PHACTR3: variants seen among roughly 807,000 people sequenced by gnomAD.
The protein encoded by PHACTR3 is phosphatase and actin regulator 3.
In PHACTR3, 16 loss-of-function variants were observed where a neutral mutation model predicts 66.8. The observed-to-expected ratio is 0.24, with a 90% CI of 0.16 to 0.36. PHACTR3 has a LOEUF of 0.36. PHACTR3 is among the 10% of genes least tolerant of loss of function. The pLI, the probability that PHACTR3 is intolerant of heterozygous loss-of-function variation, is 1.00. For missense variants in PHACTR3, 647 were observed against 719.9 expected (o/e 0.90, Z 1.16); for synonymous variants, 323 against 292.1 (o/e 1.11, Z -1.08).
intron 1 of PHACTR3, among the ~76,000 whole-genome samples, chr20:59,581,417 G>T (rs530345630): frequency 6.6e-6 from 1 of 152,326 alleles, no homozygotes; most frequent in Non-Finnish European, 1.5e-5. Context: ...CCTCAGGTCT[G>T]CTTCTCCTTC....
chr20:59,686,805 T>TGTGATGATGATGGTGATGGTGGTG (rs1568711844), intron 1 of PHACTR3, among the ~76,000 whole-genome samples: 1 of 54,660 alleles, frequency 1.8e-5, no homozygotes. Flanking sequence ...TGGTGATGAT[T>TGTGATGATGATGGTGATGGTGGTG]GTGATGATGA....
At chr20:59,835,307 T>C (rs2042495551) in intron 8 of PHACTR3, among the ~76,000 whole-genome samples, 1 of 151,852 alleles carries the variant, frequency 6.6e-6, no homozygotes, top group Non-Finnish European at 1.5e-5. Flanking sequence ...TCACTGAACA[T>C]CGAGATATGA....
In PHACTR3 at chr20:59,737,832, GGAGT is replaced by G. The variant is rs542487884; in HGVS notation, c.119-5252_119-5249del. 3.3e-3 allele frequency among the ~76,000 whole-genome samples: 501 copies of G among 152,198 alleles called. 1 individual carries two copies. Among genetic ancestry groups the G allele is most frequent in the African/African-American group, 9.7e-3 (403 of 41,526 alleles). ...TGTCAGTACGTATTTGTTGAAAGGT[GGAGT>G]GAGTGAGTGAGTGAGTGAGTGAATT... On this transcript the variant is annotated intron_variant, in intron 1 of 12. Coordinates refer to ENST00000371015, the MANE Select transcript of PHACTR3 (RefSeq NM_080672.5).
chr20:59,681,100 C>A (rs2036627326), intron 1 of PHACTR3, among the ~76,000 whole-genome samples: 1 of 152,250 alleles, frequency 6.6e-6, no homozygotes, highest in Middle Eastern at 3.2e-3. Flanking sequence ...AGAACACACT[C>A]ACACCCATTT....
intron 8 of PHACTR3, among the ~76,000 whole-genome samples, chr20:59,817,702 CT>C (rs1414132828): frequency 6.6e-6 from 1 of 152,240 alleles, no homozygotes; most frequent in East Asian, 1.9e-4. Context: ...GCCATCACCC[CT>C]GGCCACATGT....
At chr20:59,653,687 ATGT>A (rs879727963) in intron 1 of PHACTR3, among the ~76,000 whole-genome samples, 3 of 151,942 alleles carry the variant, frequency 2.0e-5, no homozygotes, top group South Asian at 2.1e-4. Context: ...CAATATGTTA[ATGT>A]TGTTATGAAT....
chr20:59,642,480 A>G (rs1369437719), intron 1 of PHACTR3, among the ~76,000 whole-genome samples: 1 of 142,820 alleles, frequency 7.0e-6, no homozygotes, highest in East Asian at 2.1e-4. Flanking sequence ...CTTTTCCTAT[A>G]GAAACATTTT....
At chr20:59,635,212 C>A (rs12480612) in intron 1 of PHACTR3, among the ~76,000 whole-genome samples, 1 of 90,014 alleles carries the variant, frequency 1.1e-5, no homozygotes. Flanking sequence ...TTCTTTCCTT[C>A]CTTCCTTCCT....
chr20:59,741,471 T>C (rs2039161153), intron 1 of PHACTR3, among the ~76,000 whole-genome samples: 1 of 152,180 alleles, frequency 6.6e-6, no homozygotes, highest in South Asian at 2.1e-4. Context: ...GAAACGTCCC[T>C]TCCCTGTCCC....
chr20:59,717,133 C>T (rs2038122800), intron 1 of PHACTR3, among the ~76,000 whole-genome samples: 1 of 152,144 alleles, frequency 6.6e-6, no homozygotes, highest in African/African-American at 2.4e-5. Flanking sequence ...CATTTTGTTT[C>T]CAACACAAAC....
chr20:59,831,435 C>T (rs1032320146), intron 8 of PHACTR3, among the ~76,000 whole-genome samples: 1 of 152,128 alleles, frequency 6.6e-6, no homozygotes, highest in Non-Finnish European at 1.5e-5. Context: ...CCCACACCCA[C>T]GCGATGCTTT....
At chr20:59,588,621 C>T (rs1339969653) in intron 1 of PHACTR3, among the ~76,000 whole-genome samples, 4 of 152,334 alleles carry the variant, frequency 2.6e-5, no homozygotes, top group South Asian at 2.1e-4. Flanking sequence ...CTCAGCCTCC[C>T]GCCATCTTCC....
rs368183524 is a variant in PHACTR3 at position 59,764,571 on chromosome 20, G to A, written c.542-2615G>A. Among the ~76,000 whole-genome samples, 21 of 152,174 alleles carry A rather than the reference G, an allele frequency of 1.4e-4. No homozygotes were observed. In the South Asian group the frequency reaches 2.1e-3, roughly 15 times the overall value. On this transcript the variant is annotated intron_variant, in intron 4 of 12. Coordinates refer to ENST00000371015, the MANE Select transcript of PHACTR3 (RefSeq NM_080672.5). ...AGCAAGGTGGAGGCCAAAGTCACTC[G>A]TCTGTAAATAGGTCAAACGTATGGA...
rs1344418893 is a variant in PHACTR3, at chr20:59,605,535, G to C, written c.118+403G>C. On this transcript the variant is annotated intron_variant, in intron 1 of 12. Transcript: ENST00000371015. ...CCCAGCTCCGGACGTCCCCGCTTGG[G>C]CATCTGCTCCTGGAAGGCAGCGCTC... Among the ~76,000 whole-genome samples the C allele has an allele frequency of 2.6e-5, 4 of 152,208 alleles. No homozygotes were observed. The East Asian group carries it at 7.7e-4, about 29-fold the overall frequency.
chr20:59,675,724 G>A (rs752460575), intron 1 of PHACTR3, among the ~76,000 whole-genome samples: 16 of 152,252 alleles, frequency 1.1e-4, no homozygotes, highest in Admixed American at 3.3e-4. Flanking sequence ...TCAGGGATGC[G>A]GCTAAACCTC....
At chr20:59,676,376 C>T (rs2036448767) in intron 1 of PHACTR3, among the ~76,000 whole-genome samples, 1 of 152,236 alleles carries the variant, frequency 6.6e-6, no homozygotes, top group South Asian at 2.1e-4. Flanking sequence ...GCGCCTGGCC[C>T]TGAGCAGAGG....
intron 1 of PHACTR3, among the ~76,000 whole-genome samples, chr20:59,669,890 G>A (rs1436452919): frequency 1.3e-5 from 2 of 152,170 alleles, no homozygotes; most frequent in East Asian, 3.8e-4. Flanking sequence ...GGACGTTTGT[G>A]TTGTTTCTAT....
chr20:59,826,586 C>A (rs895850253), intron 8 of PHACTR3, among the ~76,000 whole-genome samples: 1 of 152,162 alleles, frequency 6.6e-6, no homozygotes, highest in Non-Finnish European at 1.5e-5. Context: ...CTGCCTCTCA[C>A]ACCTGCTCTC....
chr20:59,781,745 T>C (rs542197428), intron 7 of PHACTR3, among the ~76,000 whole-genome samples: 2 of 152,282 alleles, frequency 1.3e-5, no homozygotes, highest in African/African-American at 4.8e-5. Flanking sequence ...AGAGTGACTA[T>C]GTACATATTA....
Sources: gnomAD v4.1 joint callset for allele counts (sites outside exome capture counted in the v4.1 genomes callset) on GRCh38, gnomAD v4.1.1 for gene constraint, MANE v1.5 for transcripts, NCBI Gene and HGNC (gene_info 2026-07-23, HGNC 2026-07-21) for gene names.